MBP: variants seen among roughly 807,000 people sequenced by gnomAD.
MBP encodes the protein myelin basic protein.
Under a neutral mutation model 35.8 loss-of-function variants are expected in MBP, and 16 were observed. The ratio of observed to expected loss-of-function variants is 0.45; its 90% CI spans 0.30 to 0.68. The LOEUF (loss-of-function observed/expected upper bound fraction) is 0.68. MBP is among the 30% of genes least tolerant of loss of function. The probability of loss-of-function intolerance (pLI) is 0.08; values close to 1 mark genes in which losing one functional copy is unlikely to be tolerated. For missense variants in MBP, 380 were observed against 404.7 expected, an observed-to-expected ratio of 0.94 and a Z score of 0.52; for synonymous variants, 143 against 159.6, an observed-to-expected ratio of 0.90 and a Z score of 0.78.
intron 3 of MBP, among the ~76,000 whole-genome samples, chr18:77,023,998 A>G (rs1158341283): frequency 6.6e-6 from 1 of 152,224 alleles, no homozygotes; most frequent in Non-Finnish European, 1.5e-5. Context: ...GAAGATGCTG[A>G]TATTTACTGG....
At position 77,132,594 on chromosome 18, in the gene MBP, T is replaced by C. The variant is rs544836595; in HGVS notation, c.-40A>G. 1 of 152,156 alleles carries C rather than the reference T, an allele frequency of 6.6e-6. No individual in the cohort carries two copies. Among genetic ancestry groups the C allele is most frequent in the South Asian group, 2.1e-4 (1 of 4,804 alleles). 9.4% of individuals were successfully genotyped at this position (152,156 alleles called of 1,614,324 possible). A position where few individuals can be genotyped will look rare whatever the true frequency, so the allele number is the denominator to read the frequency against. On this transcript the variant is annotated 5_prime_UTR_variant, in exon 1 of 9. Transcript: ENST00000355994. Reference sequence around the variant, plus strand: ...GGGTCACCCACCGGCGCTGCGCTCGTTGCTCCGAGGCCGAGGGGCGCCGCG... The same window carrying C: ...GGGTCACCCACCGGCGCTGCGCTCGCTGCTCCGAGGCCGAGGGGCGCCGCG...
chr18:77,103,355 C>A (rs1599251437), intron 2 of MBP, among the ~76,000 whole-genome samples: 1 of 152,306 alleles, frequency 6.6e-6, no homozygotes, highest in East Asian at 1.9e-4. Context: ...CGGGGGTTCC[C>A]CTGACCCTCA....
intron 2 of MBP, among the ~76,000 whole-genome samples, chr18:77,076,874 A>G (rs886370231): frequency 6.6e-6 from 1 of 152,150 alleles, no homozygotes; most frequent in African/African-American, 2.4e-5. Context: ...CCAGGCGCCG[A>G]GGCACCAATC....
At chr18:77,055,503 T>G (rs1456459804) in intron 3 of MBP, among the ~76,000 whole-genome samples, 1 of 152,166 alleles carries the variant, frequency 6.6e-6, no homozygotes, top group Non-Finnish European at 1.5e-5. Context: ...GTTTTCTTTT[T>G]CCTTTCTTTC....
intron 2 of MBP, among the ~76,000 whole-genome samples, chr18:77,081,092 A>G (rs1490474575): frequency 1.3e-5 from 2 of 152,214 alleles, no homozygotes; most frequent in African/African-American, 4.8e-5. Flanking sequence ...AAGAAGGGAC[A>G]ACACTCAGGA....
At chr18:77,009,830 G>T in intron 4 of MBP, 1 of 1,558,096 alleles carries the variant, frequency 6.4e-7, no homozygotes, top group African/African-American at 1.4e-5. Flanking sequence ...CGATGGGTGA[G>T]GACCCGCCGG....
chr18:77,104,668 C>G (rs552369310), intron 2 of MBP, among the ~76,000 whole-genome samples: 5 of 152,138 alleles, frequency 3.3e-5, no homozygotes, highest in Non-Finnish European at 5.9e-5. Context: ...TTTTCATGCT[C>G]TATCAAACCA....
intron 2 of MBP, chr18:77,067,815 T>C (rs1262627138): frequency 2.0e-6 from 1 of 512,686 alleles, no homozygotes; most frequent in South Asian, 1.4e-5. Context: ...GTCTCAATTT[T>C]ACATTCTTTT....
intron 8 of MBP, chr18:76,983,870 A>T (rs1377052216): frequency 6.6e-6 from 1 of 152,206 alleles, no homozygotes; most frequent in African/African-American, 2.4e-5. Context: ...AAATACATGG[A>T]GTCAAAGGTC....
chr18:77,018,595 C>G (rs1198999851), intron 3 of MBP, among the ~76,000 whole-genome samples: 1 of 130,352 alleles, frequency 7.7e-6, no homozygotes, highest in Admixed American at 7.5e-5. Context: ...CATCCACCCA[C>G]CCCTCCATCT....
chr18:77,087,947 T>C (rs1975326895), intron 2 of MBP, among the ~76,000 whole-genome samples: 1 of 151,544 alleles, frequency 6.6e-6, no homozygotes, highest in South Asian at 2.1e-4. Flanking sequence ...CCACAGCCTA[T>C]GTCCACGCGG....
At chr18:77,117,002 G>C (rs1371799040) in intron 1 of MBP, among the ~76,000 whole-genome samples, 1 of 152,204 alleles carries the variant, frequency 6.6e-6, no homozygotes, top group African/African-American at 2.4e-5. Flanking sequence ...TCACCAACCT[G>C]ATGACCTGGT....
At chr18:77,055,585 TTC>T (rs138095026) in intron 3 of MBP, among the ~76,000 whole-genome samples, 5 of 151,128 alleles carry the variant, frequency 3.3e-5, no homozygotes, top group South Asian at 4.2e-4. Flanking sequence ...TTCTCTTTCT[TTC>T]TCTCTCTCTC....
intron 3 of MBP, among the ~76,000 whole-genome samples, chr18:77,031,488 C>T (rs1288514887): frequency 6.6e-6 from 1 of 152,198 alleles, no homozygotes; most frequent in East Asian, 1.9e-4. Flanking sequence ...AGGGAGTATT[C>T]CATTTGTTTA....
chr18:77,096,921 C>T (rs770305139), intron 2 of MBP, among the ~76,000 whole-genome samples: 2 of 152,212 alleles, frequency 1.3e-5, no homozygotes, highest in Non-Finnish European at 2.9e-5. Flanking sequence ...CTCTCATCTT[C>T]CAGTTCATTC....
At position 76,988,793 on chromosome 18, in the gene MBP, T is replaced by A. The variant is rs1288804581; in HGVS notation, c.717+84A>T. 2.0e-6 allele frequency: 3 copies of A among 1,483,522 alleles called. No homozygotes were observed. The Admixed American group carries it at 5.6e-5, about 28-fold the overall frequency. 91.9% of individuals were successfully genotyped at this position (1,483,522 alleles called of 1,614,324 possible). A position where few individuals can be genotyped will look rare whatever the true frequency, so the allele number is the denominator to read the frequency against. Reference sequence around the variant, plus strand: ...GGATGGATTCTGGTAGCTCGGAGCCTAACTCTCTCTTTGGTACATTATGGG... The same window carrying A: ...GGATGGATTCTGGTAGCTCGGAGCCAAACTCTCTCTTTGGTACATTATGGG... On this transcript the variant is annotated intron_variant, in intron 6 of 8. Transcript: ENST00000355994. This position sits in a 1 kb window ranked among gnomAD's most constrained non-coding sequence, Gnocchi z 5.2.
chr18:77,016,740 G>A, intron 4 of MBP, 92 bp downstream of exon 4: 2 of 1,527,824 alleles, frequency 1.3e-6, no homozygotes, highest in East Asian at 2.3e-5. Context: ...GAGGCTACGT[G>A]CCAGTTCTTC....
chr18:77,016,027 G>A (rs558319819), intron 4 of MBP: 27 of 985,168 alleles, frequency 2.7e-5, no homozygotes, highest in Non-Finnish European at 3.1e-5. Context: ...TAAACATCAC[G>A]TAAAATACTG....
intron 1 of MBP, among the ~76,000 whole-genome samples, chr18:77,121,960 G>A (rs1976896760): frequency 6.6e-6 from 1 of 152,152 alleles, no homozygotes; most frequent in South Asian, 2.1e-4. Context: ...TGTTGTTTTT[G>A]TCAAATTACT....
Sources: gnomAD v4.1 joint callset for allele counts (sites outside exome capture counted in the v4.1 genomes callset) on GRCh38, gnomAD v4.1.1 for gene constraint, Gnocchi (gnomAD v3.1) non-coding constraint, MANE v1.5 for transcripts, NCBI Gene and HGNC (gene_info 2026-07-23, HGNC 2026-07-21) for gene names.